The following CACNA1E variants were observed in gnomAD, a reference collection of about 807,000 sequenced individuals.
The protein encoded by CACNA1E is calcium voltage-gated channel subunit alpha1 E, also known as voltage-dependent R-type calcium channel subunit alpha-1E.
CACNA1E carries 40 observed loss-of-function variants against 259.2 expected under a neutral mutation model. The observed-to-expected ratio is 0.15, with a 90% CI of 0.12 to 0.20. The LOEUF is 0.20. CACNA1E is among the 10% of genes least tolerant of loss of function. The pLI, the probability that CACNA1E is intolerant of heterozygous loss-of-function variation, is 1.00. For synonymous variants in CACNA1E, 1,104 were observed against 1,138.5 expected, an observed-to-expected ratio of 0.97 and a Z score of 0.61; for missense variants, 1,874 against 3,040.1, an observed-to-expected ratio of 0.62 and a Z score of 9.02.
chr1:181,444,013 C>A (rs1660655178), intron 2 of CACNA1E, among the ~76,000 whole-genome samples: 1 of 152,220 alleles, frequency 6.6e-6, no homozygotes, highest in African/African-American at 2.4e-5. Flanking sequence ...CCTTTAATTC[C>A]TTGAATTCAT....
At chr1:181,436,036 C>A (rs557632180) in intron 2 of CACNA1E, among the ~76,000 whole-genome samples, 1 of 152,120 alleles carries the variant, frequency 6.6e-6, no homozygotes, top group Non-Finnish European at 1.5e-5. Flanking sequence ...AAACAAATAA[C>A]CCTATTAAAA....
intron 3 of CACNA1E, among the ~76,000 whole-genome samples, chr1:181,559,794 A>C (rs1490607997): frequency 6.6e-6 from 1 of 152,160 alleles, no homozygotes; most frequent in Non-Finnish European, 1.5e-5. Context: ...GAGGAGGCTA[A>C]GGAGGGGCCA....
intron 1 of CACNA1E, among the ~76,000 whole-genome samples, chr1:181,335,785 C>G (rs1350849356): frequency 6.6e-6 from 1 of 152,218 alleles, no homozygotes; most frequent in Non-Finnish European, 1.5e-5. Flanking sequence ...CAGGTTCCTG[C>G]TGGGGGGAAT....
intron 2 of CACNA1E, among the ~76,000 whole-genome samples, chr1:181,424,937 T>G (rs895630023): frequency 1.3e-5 from 2 of 152,144 alleles, no homozygotes; most frequent in Admixed American, 6.5e-5. Flanking sequence ...GCCTCCACTC[T>G]GCTCCCATGG....
chr1:181,577,728 G>C (rs1175968531), intron 3 of CACNA1E, 38 bp from the exon 4 acceptor site: 3 of 1,409,946 alleles, frequency 2.1e-6, no homozygotes, highest in Non-Finnish European at 9.9e-7. Context: ...GGGAAAACCA[G>C]ACTGGTAACC....
chr1:181,579,883 G>T (rs957178946), intron 5 of CACNA1E, among the ~76,000 whole-genome samples: 1 of 152,158 alleles, frequency 6.6e-6, no homozygotes, highest in Non-Finnish European at 1.5e-5. Context: ...CCCACACGTG[G>T]TATGGAAGAA....
intron 1 of CACNA1E, among the ~76,000 whole-genome samples, chr1:181,322,398 A>G (rs1650429155): frequency 6.6e-6 from 1 of 152,214 alleles, no homozygotes; most frequent in Non-Finnish European, 1.5e-5. Context: ...CCATTGGACC[A>G]AGTATACATG....
In CACNA1E at chr1:181,798,500, A is replaced by G. The variant is rs758593393; in HGVS notation, c.6608A>G (p.Asn2203Ser). 3.1e-6 allele frequency: 5 copies of G among 1,613,806 alleles called. No homozygotes were observed. The Admixed American group carries it at 6.7e-5, about 22-fold the overall frequency. Residue 2203 changes from asparagine (N) to serine (S), a missense_variant, in exon 48 of 48, where the codon AAC becomes AGC. By Grantham distance (46) the Asn-to-Ser change is conservative (BLOSUM62 1). Coordinates refer to ENST00000367573, the MANE Select transcript of CACNA1E (RefSeq NM_001205293.3). The surrounding 1 kb of genome is among the most constrained non-coding windows in gnomAD (Gnocchi z 4.2). ...CTGACCTCCCAAGCTCTGGAGAGCA[A>G]CAATGCTTGCCTGACCGAGTCTTCC... ...SPLTSQALES[N>S]NACLTESSNS...
intron 6 of CACNA1E, among the ~76,000 whole-genome samples, chr1:181,615,446 C>CA (rs1655124308): frequency 6.6e-6 from 1 of 152,112 alleles, no homozygotes; most frequent in Non-Finnish European, 1.5e-5. Flanking sequence ...CCTCGGCCTC[C>CA]TAAAGTGCTG....
chr1:181,611,560 C>T (rs1654753427), intron 6 of CACNA1E, among the ~76,000 whole-genome samples: 1 of 152,098 alleles, frequency 6.6e-6, no homozygotes, highest in African/African-American at 2.4e-5. Flanking sequence ...GCCATTCTTC[C>T]TCAAGGATAA....
intron 7 of CACNA1E, among the ~76,000 whole-genome samples, chr1:181,674,150 C>T (rs550881959): frequency 1.8e-4 from 27 of 149,124 alleles, no homozygotes; most frequent in East Asian, 4.0e-4. Context: ...GAGGCCAAGG[C>T]GGGCGGATCA....
Position 181,732,109 on chromosome 1 carries a change from G to A in CACNA1E, c.2298-275G>A, listed in dbSNP as rs1206175681. Among the ~76,000 whole-genome samples the A allele has an allele frequency of 1.3e-5, 2 of 151,958 alleles. No individual in the cohort carries two copies. Among genetic ancestry groups the A allele is most frequent in the African/African-American group, 4.8e-5 (2 of 41,388 alleles). ...CTGCCCCAGCAGGCCCTGGGGACTT[G>A]GAACTCCTCCCAGGGTTGATGCCTA... is the stretch of plus-strand genomic sequence containing the variant. On this transcript the variant is annotated intron_variant, in intron 19 of 47. Coordinates refer to ENST00000367573, the MANE Select transcript of CACNA1E (RefSeq NM_001205293.3). This position sits in a 1 kb window ranked among gnomAD's most constrained non-coding sequence, Gnocchi z 5.5.
At chr1:181,391,330 C>A (rs998146129) in intron 1 of CACNA1E, among the ~76,000 whole-genome samples, 3 of 152,204 alleles carry the variant, frequency 2.0e-5, no homozygotes, top group African/African-American at 7.2e-5. Context: ...TAGTCGGGAT[C>A]CAGCTGTGAA....
chr1:181,597,265 T>G (rs1048684629), intron 6 of CACNA1E, among the ~76,000 whole-genome samples: 7 of 152,210 alleles, frequency 4.6e-5, no homozygotes, highest in Admixed American at 2.6e-4. Flanking sequence ...TGGTCAGTTC[T>G]GTAGTGAGCA....
chr1:181,364,295 C>G (rs147552137), intron 1 of CACNA1E, among the ~76,000 whole-genome samples: 2 of 152,286 alleles, frequency 1.3e-5, no homozygotes, highest in African/African-American at 4.8e-5. Context: ...GGTCAGCAGC[C>G]ATTGTATTTT....
intron 1 of CACNA1E, among the ~76,000 whole-genome samples, chr1:181,386,766 C>T (rs1655879033): frequency 6.6e-6 from 1 of 152,166 alleles, no homozygotes; most frequent in Admixed American, 6.5e-5. Context: ...TCAAATTCCT[C>T]CTGCACCCCC....
chr1:181,664,412 TA>T (rs1448928669), intron 7 of CACNA1E, among the ~76,000 whole-genome samples: 2 of 152,244 alleles, frequency 1.3e-5, no homozygotes, highest in Non-Finnish European at 2.9e-5. Flanking sequence ...CCATGGAGCT[TA>T]TATTTTTCTG....
At position 181,793,730 on chromosome 1, in the gene CACNA1E, C is replaced by T. The variant is rs754841349; in HGVS notation, c.5964C>T (p.Asp1988=). Residue 1988 remains aspartate, a synonymous_variant, in exon 45 of 48, where the codon GAC becomes GAT. Coordinates refer to ENST00000367573, the MANE Select transcript of CACNA1E (RefSeq NM_001205293.3). ...ACCATGGCATCTACCTTCCTTCGGA[C>T]ACCCAGGAGCATGCGGGATCTGGGA... The part of the protein sequence containing the change: ...PSNHGIYLPS[D]TQEHAGSGRA... The T allele has an allele frequency of 5.0e-6, 8 of 1,611,494 alleles. No individual in the cohort carries two copies. Among genetic ancestry groups the T allele is most frequent in the South Asian group, 4.4e-5 (4 of 90,608 alleles).
intron 3 of CACNA1E, among the ~76,000 whole-genome samples, chr1:181,519,136 C>A: frequency 6.6e-6 from 1 of 152,044 alleles, no homozygotes; most frequent in African/African-American, 2.4e-5. Context: ...GTGAAAATCC[C>A]CAGGTATGTT....
Sources: gnomAD v4.1 joint callset for allele counts (sites outside exome capture counted in the v4.1 genomes callset) on GRCh38, gnomAD v4.1.1 for gene constraint, Gnocchi (gnomAD v3.1) non-coding constraint, MANE v1.5 for transcripts, NCBI Gene and HGNC (gene_info 2026-07-23, HGNC 2026-07-21) for gene names.